Variants in ACTR3C observed in about 807,000 individuals in gnomAD.
The protein encoded by ACTR3C is actin-related protein 3C.
In ACTR3C, 18 loss-of-function variants were observed where a neutral mutation model predicts 26.3. That is an observed-to-expected ratio of 0.68 (90% confidence interval 0.47 to 1.01). ACTR3C has a LOEUF of 1.01. Ranked by LOEUF, ACTR3C falls within the 50% of genes least tolerant of loss-of-function variation. The probability of loss-of-function intolerance (pLI) is 0.00; values close to 1 mark genes in which losing one functional copy is unlikely to be tolerated. For synonymous variants in ACTR3C, 55 were observed against 94.5 expected (o/e 0.58, Z 2.42); for missense variants, 184 against 250.7 (o/e 0.73, Z 1.80).
chr7:149,956,355 G>A, the ACTR3C span, among the ~76,000 whole-genome samples: 2,055 of 152,144 alleles, frequency 0.014, 42 homozygotes, highest in African/African-American at 0.047. Context: ...CCAGGAGTTC[G>A]AGACCAACCT....
chr7:150,074,551 C>T, the ACTR3C span, among the ~76,000 whole-genome samples: 1 of 150,450 alleles, frequency 6.6e-6, no homozygotes, highest in Non-Finnish European at 1.5e-5. Context: ...ATCCTCACAC[C>T]ACCCCAAAGC....
the ACTR3C span, among the ~76,000 whole-genome samples, chr7:150,146,431 T>A: frequency 6.6e-6 from 1 of 152,198 alleles, no homozygotes; most frequent in Non-Finnish European, 1.5e-5. Context: ...TTTCTCCTTT[T>A]CTTACCAATT....
the ACTR3C span, among the ~76,000 whole-genome samples, chr7:150,110,535 T>G: frequency 1.9e-5 from 1 of 53,614 alleles, no homozygotes; most frequent in South Asian, 7.0e-4. Flanking sequence ...TGGAAGAGGG[T>G]GGGGCTTACT....
chr7:150,023,231 A>G, the ACTR3C span, among the ~76,000 whole-genome samples: 2 of 111,756 alleles, frequency 1.8e-5, no homozygotes, highest in Non-Finnish European at 3.8e-5. Context: ...ATAGATCTCT[A>G]TATATCTCTC....
chr7:149,886,945 G>C, the ACTR3C span, among the ~76,000 whole-genome samples: 1 of 134,416 alleles, frequency 7.4e-6, no homozygotes, highest in Non-Finnish European at 1.6e-5. Flanking sequence ...GGGCGACAGA[G>C]CGAGACTGAC....
the ACTR3C span, among the ~76,000 whole-genome samples, chr7:150,035,646 C>T: frequency 7.4e-6 from 1 of 136,018 alleles, no homozygotes; most frequent in Non-Finnish European, 1.6e-5. Context: ...ACTTGGACAA[C>T]TAACACTCGC....
chr7:150,075,790 A>G, the ACTR3C span, among the ~76,000 whole-genome samples: 2 of 152,132 alleles, frequency 1.3e-5, no homozygotes, highest in African/African-American at 2.4e-5. Context: ...AAAGGTGAAG[A>G]CCTTGATTTT....
chr7:150,162,000 A>C, the ACTR3C span, among the ~76,000 whole-genome samples: 1 of 152,184 alleles, frequency 6.6e-6, no homozygotes, highest in African/African-American at 2.4e-5. Flanking sequence ...CATTGACTGT[A>C]ATAAAGACGA....
chr7:150,242,815 A>G (rs1295503273), downstream of ACTR3C, among the ~76,000 whole-genome samples: 1 of 152,220 alleles, frequency 6.6e-6, no homozygotes, highest in East Asian at 1.9e-4. Context: ...GAATTTGAGA[A>G]ATCTGTGAAG....
chr7:150,043,099 C>T, the ACTR3C span, among the ~76,000 whole-genome samples: 10 of 151,480 alleles, frequency 6.6e-5, no homozygotes, highest in South Asian at 8.4e-4. Flanking sequence ...CCTTAAGCTC[C>T]GGTAGATTGC....
At chr7:150,276,922 A>G (rs1193400815) in intron 6 of ACTR3C, among the ~76,000 whole-genome samples, 1 of 152,188 alleles carries the variant, frequency 6.6e-6, no homozygotes, top group African/African-American at 2.4e-5. Flanking sequence ...AGGGCACAGC[A>G]CCCAGTGATT....
intron 6 of ACTR3C, among the ~76,000 whole-genome samples, chr7:150,269,390 TG>T (rs1834278863): frequency 6.8e-6 from 1 of 148,118 alleles, no homozygotes; most frequent in Admixed American, 6.6e-5. Context: ...TGTCTGGTGC[TG>T]GGGCCTGAAG....
At chr7:150,120,098 C>T in the ACTR3C span, among the ~76,000 whole-genome samples, 10 of 152,100 alleles carry the variant, frequency 6.6e-5, no homozygotes, top group Non-Finnish European at 7.4e-5. Flanking sequence ...TTTAGACGGA[C>T]ATTTATGGCA....
At chr7:150,188,055 G>A in the ACTR3C span, among the ~76,000 whole-genome samples, 1 of 150,044 alleles carries the variant, frequency 6.7e-6, no homozygotes, top group African/African-American at 2.4e-5. Flanking sequence ...GATACTTCAT[G>A]CTTATCTTGA....
At chr7:150,048,061 G>T in the ACTR3C span, among the ~76,000 whole-genome samples, 1 of 152,022 alleles carries the variant, frequency 6.6e-6, no homozygotes, top group African/African-American at 2.4e-5. Context: ...AGCCTCCTCC[G>T]CCCCCTCCCC....
intron 6 of ACTR3C, among the ~76,000 whole-genome samples, chr7:150,258,546 C>A (rs1225225689): frequency 6.6e-6 from 1 of 152,178 alleles, no homozygotes; most frequent in Non-Finnish European, 1.5e-5. Flanking sequence ...AAGGTCATTT[C>A]TACAATCTCC....
chr7:150,075,651 T>G, the ACTR3C span, among the ~76,000 whole-genome samples: 1 of 152,172 alleles, frequency 6.6e-6, no homozygotes, highest in East Asian at 1.9e-4. Context: ...CTGGCAAGCC[T>G]GTGGGGATGG....
chr7:150,077,818 A>T, the ACTR3C span, among the ~76,000 whole-genome samples: 4,009 of 152,262 alleles, frequency 0.026, 179 homozygotes, highest in African/African-American at 0.092. Context: ...CAAAGACCAC[A>T]ATCTGCACTA....
At chr7:149,983,964 G>C in the ACTR3C span, among the ~76,000 whole-genome samples, 1 of 152,052 alleles carries the variant, frequency 6.6e-6, no homozygotes, top group South Asian at 2.1e-4. Context: ...CTTGGGATAA[G>C]GGGAAATGGG....
Sources: allele counts gnomAD v4.1 joint callset (sites outside exome capture counted in the v4.1 genomes callset), GRCh38; gene constraint gnomAD v4.1.1; transcripts MANE v1.5; gene names NCBI Gene and HGNC (gene_info 2026-07-23, HGNC 2026-07-21).